The following CTNNA2 variants were observed in gnomAD, a reference collection of about 807,000 sequenced individuals.
CTNNA2 encodes the protein catenin alpha-2.
A neutral mutation model predicts 101.0 loss-of-function variants in CTNNA2; 42 were observed. The observed-to-expected ratio is 0.42, with a 90% CI of 0.32 to 0.54. The LOEUF (loss-of-function observed/expected upper bound fraction) is 0.54. CTNNA2 is among the 20% of genes least tolerant of loss of function. The pLI is 0.14. For missense variants in CTNNA2, 871 were observed against 1,223.1 expected, an observed-to-expected ratio of 0.71 and a Z score of 4.29; for synonymous variants, 450 against 456.4, an observed-to-expected ratio of 0.99 and a Z score of 0.18.
In CTNNA2 at chr2:80,565,985, T is replaced by A. The variant is rs141895566; in HGVS notation, c.1742-8178T>A. Among the ~76,000 whole-genome samples, 325 of 152,308 alleles carry A rather than the reference T, an allele frequency of 2.1e-3. 1 individual carries two copies. The highest frequency in any genetic ancestry group is 6.8e-3 in the Middle Eastern group (2 of 294). On this transcript the variant is annotated intron_variant, in intron 12 of 18. Coordinates refer to ENST00000402739, the MANE Select transcript of CTNNA2 (RefSeq NM_001282597.3). ...CACATTTTCCTGGAACCAATAAATATGCTTGAAACGTAGATCAAGCATCGT... is the reference window on the plus strand; with the variant it reads ...CACATTTTCCTGGAACCAATAAATAAGCTTGAAACGTAGATCAAGCATCGT...
intron 6 of CTNNA2, among the ~76,000 whole-genome samples, chr2:79,894,057 T>TTCC (rs1491170785): frequency 1.3e-5 from 1 of 74,822 alleles, no homozygotes; most frequent in Non-Finnish European, 2.8e-5. Context: ...CTTCTTCTTC[T>TTCC]TCTTCTTCCT....
rs376760206 is a variant in CTNNA2 at position 79,409,621 on chromosome 2, A to G, written c.-135+35608A>G. On this transcript the variant is annotated intron_variant, in intron 4 of 21. Transcript: ENST00000466387. ...GATCAGATAGTTGTAGATATGCGGC[A>G]TTATTTCTGAGGGCTCTGTTCTGTT... Among the ~76,000 whole-genome samples the G allele has an allele frequency of 7.5e-5, 11 of 146,998 alleles. No homozygotes were observed. In the East Asian group the frequency reaches 7.9e-4, roughly 11 times the overall value.
intron 8 of CTNNA2, among the ~76,000 whole-genome samples, chr2:80,400,415 T>C (rs1678447256): frequency 6.6e-6 from 1 of 152,172 alleles, no homozygotes; most frequent in African/African-American, 2.4e-5. Flanking sequence ...TGTCCTCATA[T>C]TGTGCCTTAG....
chr2:80,164,254 G>A (rs1012336710), intron 7 of CTNNA2, among the ~76,000 whole-genome samples: 3 of 151,624 alleles, frequency 2.0e-5, no homozygotes, highest in African/African-American at 7.3e-5. Flanking sequence ...GTCTTCCTAT[G>A]TATTACTTGA....
chr2:79,273,122 C>T (rs1675127100), intron 2 of CTNNA2, among the ~76,000 whole-genome samples: 1 of 151,800 alleles, frequency 6.6e-6, no homozygotes, highest in Admixed American at 6.6e-5. Context: ...CTTTACCATG[C>T]AACAACATTC....
chr2:79,651,329 G>C (rs1681233090), intron 1 of CTNNA2, among the ~76,000 whole-genome samples: 1 of 152,104 alleles, frequency 6.6e-6, no homozygotes, highest in Non-Finnish European at 1.5e-5. Context: ...CAGGCCTAAG[G>C]TACACCAGTA....
intron 7 of CTNNA2, among the ~76,000 whole-genome samples, chr2:80,139,670 C>T (rs1426368384): frequency 2.6e-5 from 4 of 152,084 alleles, no homozygotes; most frequent in Admixed American, 6.6e-5. Flanking sequence ...GCATCATTTC[C>T]AAACTTAAAT....
chr2:80,029,163 C>A (rs139308617), intron 7 of CTNNA2, among the ~76,000 whole-genome samples: 1 of 152,164 alleles, frequency 6.6e-6, no homozygotes, highest in Admixed American at 6.5e-5. Context: ...ACTGCTACTA[C>A]GATTACTACT....
chr2:79,752,992 A>G (rs1310215389), intron 3 of CTNNA2, among the ~76,000 whole-genome samples: 1 of 152,218 alleles, frequency 6.6e-6, no homozygotes, highest in African/African-American at 2.4e-5. Flanking sequence ...AAGTAAGAGC[A>G]AAAGCAGATT....
At chr2:79,650,073 T>C (rs1210874751) in intron 1 of CTNNA2, among the ~76,000 whole-genome samples, 1 of 151,662 alleles carries the variant, frequency 6.6e-6, no homozygotes. Flanking sequence ...CAGATTCGGT[T>C]TGTACAATCT....
intron 7 of CTNNA2, among the ~76,000 whole-genome samples, chr2:80,110,381 G>A (rs1039545579): frequency 6.6e-5 from 10 of 152,116 alleles, no homozygotes; most frequent in African/African-American, 2.4e-4. Flanking sequence ...TTTCAGTTAT[G>A]TAGCTGATCA....
At chr2:79,568,468 T>C (rs1675252848) in intron 1 of CTNNA2, among the ~76,000 whole-genome samples, 1 of 151,608 alleles carries the variant, frequency 6.6e-6, no homozygotes, top group Non-Finnish European at 1.5e-5. Flanking sequence ...CCAGTAGTGG[T>C]GGCACGTGCC....
At chr2:79,682,853 A>G (rs1683676124) in intron 2 of CTNNA2, among the ~76,000 whole-genome samples, 1 of 152,246 alleles carries the variant, frequency 6.6e-6, no homozygotes, top group Non-Finnish European at 1.5e-5. Flanking sequence ...GCCTTATATT[A>G]AATAAAAAAC....
At chr2:79,320,627 A>G (rs926590260) in intron 3 of CTNNA2, among the ~76,000 whole-genome samples, 3 of 152,148 alleles carry the variant, frequency 2.0e-5, no homozygotes, top group Non-Finnish European at 2.9e-5. Context: ...AGCCTTGTAG[A>G]TGTTGGAATC....
intron 7 of CTNNA2, among the ~76,000 whole-genome samples, chr2:80,372,129 C>A (rs1360255910): frequency 6.6e-6 from 1 of 152,040 alleles, no homozygotes; most frequent in Non-Finnish European, 1.5e-5. Flanking sequence ...CAAATTCATG[C>A]AGGTGTGAGA....
chr2:80,595,653 G>C (rs915386420), intron 15 of CTNNA2, among the ~76,000 whole-genome samples: 1 of 152,124 alleles, frequency 6.6e-6, no homozygotes, highest in Non-Finnish European at 1.5e-5. Context: ...AACACTGTTT[G>C]ACAGTTTTTT....
intron 7 of CTNNA2, among the ~76,000 whole-genome samples, chr2:80,012,812 G>T (rs1693880240): frequency 6.6e-6 from 1 of 152,098 alleles, no homozygotes; most frequent in African/African-American, 2.4e-5. Flanking sequence ...AATGATCACA[G>T]GATATTTCTT....
At chr2:80,022,213 T>C (rs149884080) in intron 7 of CTNNA2, among the ~76,000 whole-genome samples, 1 of 152,352 alleles carries the variant, frequency 6.6e-6, no homozygotes, top group East Asian at 1.9e-4. Context: ...TTCTTTTGCT[T>C]AGTCATCGTT....
intron 3 of CTNNA2, chr2:79,776,953 C>T (rs1674010250): frequency 6.6e-6 from 1 of 152,086 alleles, no homozygotes; most frequent in Non-Finnish European, 1.5e-5. Context: ...GAAAATGCTC[C>T]CTTGGAATTA....
Sources: gnomAD v4.1 joint callset for allele counts (sites outside exome capture counted in the v4.1 genomes callset) on GRCh38, gnomAD v4.1.1 for gene constraint, MANE v1.5 for transcripts, NCBI Gene and HGNC (gene_info 2026-07-23, HGNC 2026-07-21) for gene names.